Variants in ERICH3 observed in about 807,000 individuals in gnomAD.
ERICH3 encodes glutamate-rich protein 3.
ERICH3 carries 126 observed loss-of-function variants against 131.1 expected under a neutral mutation model. That is an observed-to-expected ratio of 0.96 (90% CI 0.83 to 1.11). The LOEUF (loss-of-function observed/expected upper bound fraction) is 1.11, where lower values mean the gene tolerates loss of function less well. ERICH3 is among the 50% of genes most tolerant of loss of function. The pLI, the probability that ERICH3 is intolerant of heterozygous loss-of-function variation, is 0.00. For synonymous variants in ERICH3, 695 were observed against 644.6 expected, an observed-to-expected ratio of 1.08 and a Z score of -1.18; for missense variants, 2,050 against 1,810.7, an observed-to-expected ratio of 1.13 and a Z score of -2.40.
intron 6 of ERICH3, among the ~76,000 whole-genome samples, chr1:74,636,003 T>TC (rs1418571181): frequency 6.6e-6 from 1 of 152,194 alleles, no homozygotes; most frequent in Non-Finnish European, 1.5e-5. Flanking sequence ...AGAAAAGTTT[T>TC]CCCCTTTGTT....
At chr1:74,658,960 G>A (rs1349269303) in intron 1 of ERICH3, among the ~76,000 whole-genome samples, 2 of 152,192 alleles carry the variant, frequency 1.3e-5, no homozygotes, top group Non-Finnish European at 2.9e-5. Flanking sequence ...GACACTCTTA[G>A]TTGCTATTGT....
chr1:74,669,999 T>C (rs187716141), intron 1 of ERICH3, among the ~76,000 whole-genome samples: 116 of 152,346 alleles, frequency 7.6e-4, no homozygotes, highest in Non-Finnish European at 1.3e-3. Context: ...TTTTATTTGC[T>C]ACTGAAACTT....
rs559163816 is a variant in ERICH3 at position 74,568,774 on chromosome 1, C to T, written c.*1684G>A. Reference sequence around the variant, plus strand: ...GGCAAAGAAAGAAAGTTCAAAATGCCTCTGTAGTTGGCTTTCCAACTGAGA... The same window carrying T: ...GGCAAAGAAAGAAAGTTCAAAATGCTTCTGTAGTTGGCTTTCCAACTGAGA... On this transcript the variant is annotated 3_prime_UTR_variant, in exon 15 of 15. Transcript: ENST00000326665. The T allele has an allele frequency of 5.0e-4, 76 of 152,200 alleles. No individual in the cohort carries two copies. The highest frequency in any genetic ancestry group is 1.8e-3 in the African/African-American group (74 of 41,534). 9.4% of individuals were successfully genotyped at this position (152,200 alleles called of 1,614,324 possible).
intron 12 of ERICH3, among the ~76,000 whole-genome samples, chr1:74,577,859 T>C (rs1647097004): frequency 1.3e-5 from 2 of 152,244 alleles, no homozygotes; most frequent in South Asian, 4.1e-4. Context: ...CAATCATCAC[T>C]GCTTTTCTAA....
chr1:74,628,248 A>G (rs565846077), intron 7 of ERICH3, among the ~76,000 whole-genome samples: 1 of 152,310 alleles, frequency 6.6e-6, no homozygotes, highest in South Asian at 2.1e-4. Context: ...GTAATACTGT[A>G]AACACTGAAT....
At chr1:74,593,038 T>G (rs1647680440) in intron 11 of ERICH3, among the ~76,000 whole-genome samples, 1 of 152,146 alleles carries the variant, frequency 6.6e-6, no homozygotes. Context: ...CAGCTATGCC[T>G]CCTACCCAAT....
intron 10 of ERICH3, among the ~76,000 whole-genome samples, chr1:74,605,049 A>G (rs1648320237): frequency 6.6e-6 from 1 of 151,994 alleles, no homozygotes; most frequent in African/African-American, 2.4e-5. Context: ...AGCTACATTT[A>G]TAAATGATCT....
At chr1:74,633,582 A>C (rs1646361637) in intron 6 of ERICH3, among the ~76,000 whole-genome samples, 1 of 151,982 alleles carries the variant, frequency 6.6e-6, no homozygotes, top group South Asian at 2.1e-4. Context: ...TTTTAGTTCG[A>C]CAGCATTTTG....
intron 12 of ERICH3, among the ~76,000 whole-genome samples, chr1:74,588,318 C>T (rs1647429348): frequency 6.6e-6 from 1 of 152,160 alleles, no homozygotes; most frequent in Non-Finnish European, 1.5e-5. Context: ...TTACATGGGA[C>T]TACTAACCTT....
rs566207810 is a variant in ERICH3, at chr1:74,627,564, C to T, written c.819+4149G>A. 1.1e-4 allele frequency among the ~76,000 whole-genome samples: 16 copies of T among 152,146 alleles called. No individual in the cohort carries two copies. The East Asian group carries it at 1.7e-3, about 17-fold the overall frequency. On this transcript the variant is annotated intron_variant, in intron 7 of 14. Coordinates refer to ENST00000326665, the MANE Select transcript of ERICH3 (RefSeq NM_001002912.5). ...AGATTGAATCAAACACAATCCACCC[C>T]TATGTTACATAAACATATTTAAAGC...
chr1:74,605,668 G>A (rs1382546392), intron 10 of ERICH3, among the ~76,000 whole-genome samples: 1 of 151,720 alleles, frequency 6.6e-6, no homozygotes, highest in Admixed American at 6.6e-5. Context: ...GGTCAGTGGA[G>A]CAGTCAGAAA....
At chr1:74,661,843 G>A (rs991820555) in intron 1 of ERICH3, among the ~76,000 whole-genome samples, 1 of 152,130 alleles carries the variant, frequency 6.6e-6, no homozygotes, top group Admixed American at 6.6e-5. Context: ...GGAATTTAAA[G>A]CTACATCCTT....
intron 1 of ERICH3, among the ~76,000 whole-genome samples, chr1:74,652,355 A>G (rs1211693059): frequency 6.6e-6 from 1 of 152,008 alleles, no homozygotes; most frequent in Non-Finnish European, 1.5e-5. Context: ...TGTCAGCTAC[A>G]CTGTGGTCTG....
In ERICH3 at chr1:74,649,279, G is replaced by A; in HGVS notation, c.60C>T (p.His20=). 4.3e-6 allele frequency: 7 copies of A among 1,612,276 alleles called. No homozygotes were observed. The highest frequency in any genetic ancestry group is 5.9e-6 in the Non-Finnish European group (7 of 1,179,106). The change falls in exon 2 of 15, where the codon CAC becomes CAT. Residue 20 remains histidine (H), a synonymous_variant. Transcript: ENST00000326665. ...TTGTATTGTTAAAATACCCAGCCAG[G>A]TGTTTATCCATAAGGCTATTATATG... ...LAAYNSLMDK[H]LAGYFNNTRI...
intron 12 of ERICH3, among the ~76,000 whole-genome samples, chr1:74,584,984 T>C (rs1647264424): frequency 6.6e-6 from 1 of 152,226 alleles, no homozygotes; most frequent in African/African-American, 2.4e-5. Flanking sequence ...TATACTATTA[T>C]TTAAGTTCAA....
chr1:74,666,503 C>T (rs1442362898), intron 1 of ERICH3, among the ~76,000 whole-genome samples: 1 of 152,086 alleles, frequency 6.6e-6, no homozygotes, highest in Non-Finnish European at 1.5e-5. Flanking sequence ...TTTTCTCTTT[C>T]CTCCAGAAAA....
chr1:74,620,757 T>C lies in ERICH3; in HGVS notation c.977A>G (p.Tyr326Cys), dbSNP rs1649179791. 2 of 1,607,974 alleles carry C rather than the reference T, an allele frequency of 1.2e-6. No individual in the cohort carries two copies. Among genetic ancestry groups the C allele is most frequent in the Non-Finnish European group, 1.7e-6 (2 of 1,178,166 alleles). Residue 326 changes from tyrosine (Y) to cysteine (C), a missense_variant, in exon 8 of 15, where the codon TAC (tyrosine) becomes TGC (cysteine). Transcript: ENST00000326665. ...QHCGGENLCV[Y>C]KGKLLEKETF... ...ACCTTTTTCAAGTAGTTTGCCTTTG[T>C]AGACACAAAGGTTTTCCCCACCACA...
In ERICH3 at chr1:74,569,468, A is replaced by C. The variant is rs1646910973; in HGVS notation, c.*990T>G. ...AAATAATATCAGGGAGTAATTTAGA[A>C]TGCAGTTGTTACTGTTGATTTATAA... is the stretch of plus-strand genomic sequence containing the variant. On this transcript the variant is annotated 3_prime_UTR_variant, in exon 15 of 15. Coordinates refer to ENST00000326665, the MANE Select transcript of ERICH3 (RefSeq NM_001002912.5). The C allele has an allele frequency of 6.6e-6, 1 of 152,152 alleles. No individual in the cohort carries two copies. Among genetic ancestry groups the C allele is most frequent in the South Asian group, 2.1e-4 (1 of 4,828 alleles). The allele number at this position is 152,152 out of a possible 1,614,324, so 9.4% of individuals were successfully genotyped here.
At chr1:74,606,176 T>G (rs2100587483) in intron 10 of ERICH3, among the ~76,000 whole-genome samples, 1 of 151,952 alleles carries the variant, frequency 6.6e-6, no homozygotes, top group Non-Finnish European at 1.5e-5. Flanking sequence ...GTCAACTGCC[T>G]TTAGTTATGG....
Sources: allele counts gnomAD v4.1 joint callset (sites outside exome capture counted in the v4.1 genomes callset), GRCh38; gene constraint gnomAD v4.1.1; transcripts MANE v1.5; gene names NCBI Gene and HGNC (gene_info 2026-07-23, HGNC 2026-07-21).